Variants in STIM1 observed in about 807,000 individuals in gnomAD.
The protein encoded by STIM1 is stromal interaction molecule 1.
STIM1 carries 25 observed loss-of-function variants against 74.7 expected under a neutral mutation model. That is an observed-to-expected ratio of 0.33 (90% CI 0.24 to 0.47). STIM1 has a LOEUF of 0.47. STIM1 is among the 20% of genes least tolerant of loss of function. The pLI, the probability that STIM1 is intolerant of heterozygous loss-of-function variation, is 1.00. For synonymous variants in STIM1, 328 were observed against 348.8 expected (o/e 0.94, Z 0.66); for missense variants, 728 against 920.8 (o/e 0.79, Z 2.71).
intron 1 of STIM1, among the ~76,000 whole-genome samples, chr11:3,876,674 G>A (rs2091316925): frequency 6.6e-6 from 1 of 152,168 alleles, no homozygotes; most frequent in Non-Finnish European, 1.5e-5. Context: ...CTCCCAAAGT[G>A]ATGGAATTAT....
chr11:3,872,344 C>T (rs747552826), intron 1 of STIM1, among the ~76,000 whole-genome samples: 16 of 152,082 alleles, frequency 1.1e-4, no homozygotes, highest in Non-Finnish European at 2.2e-4. Flanking sequence ...TGATCCACTG[C>T]ACCCGGCCTT....
intron 1 of STIM1, among the ~76,000 whole-genome samples, chr11:3,946,515 C>A (rs1170314070): frequency 6.6e-6 from 1 of 152,116 alleles, no homozygotes; most frequent in Admixed American, 6.6e-5. Context: ...CTTAGCATTT[C>A]TGGCCTTTTC....
chr11:4,006,431 C>A (rs1055064448), intron 2 of STIM1, among the ~76,000 whole-genome samples: 4 of 152,076 alleles, frequency 2.6e-5, no homozygotes, highest in Non-Finnish European at 5.9e-5. Context: ...TTAAAATTTT[C>A]TTTGGCGGAG....
At chr11:3,881,763 A>G (rs2091512242) in intron 1 of STIM1, among the ~76,000 whole-genome samples, 1 of 151,986 alleles carries the variant, frequency 6.6e-6, no homozygotes, top group Admixed American at 6.5e-5. Flanking sequence ...TGCTCACTGC[A>G]GCCTCCGACT....
chr11:4,016,540 C>T (rs1471370595), intron 2 of STIM1, among the ~76,000 whole-genome samples: 2 of 152,234 alleles, frequency 1.3e-5, no homozygotes, highest in South Asian at 2.1e-4. Context: ...TGTCCATTAT[C>T]GGAGCTCAAA....
intron 3 of STIM1, among the ~76,000 whole-genome samples, chr11:4,044,505 G>A (rs1422723611): frequency 6.6e-6 from 1 of 152,154 alleles, no homozygotes; most frequent in Non-Finnish European, 1.5e-5. Context: ...GGAACTCAGG[G>A]TTGCTATCTG....
intron 2 of STIM1, among the ~76,000 whole-genome samples, chr11:3,973,727 A>G (rs2093418205): frequency 6.6e-6 from 1 of 151,354 alleles, no homozygotes; most frequent in Admixed American, 6.6e-5. Flanking sequence ...TTGTTTATTT[A>G]TTTTGAGACA....
At chr11:3,894,321 G>A (rs1353103138) in intron 1 of STIM1, among the ~76,000 whole-genome samples, 6 of 152,084 alleles carry the variant, frequency 3.9e-5, no homozygotes, top group Admixed American at 3.9e-4. Flanking sequence ...GGCCCCGTAT[G>A]TTTTCACTTT....
chr11:4,080,764 C>T (rs916412122), intron 7 of STIM1, among the ~76,000 whole-genome samples: 1 of 152,232 alleles, frequency 6.6e-6, no homozygotes, highest in Non-Finnish European at 1.5e-5. Flanking sequence ...CTGTGCCTAG[C>T]TCCCAACAGT....
At chr11:4,039,270 T>C (rs1224531228) in intron 3 of STIM1, among the ~76,000 whole-genome samples, 2 of 151,676 alleles carry the variant, frequency 1.3e-5, no homozygotes, top group African/African-American at 4.9e-5. Flanking sequence ...TCAGCCTGGG[T>C]GACAGAATGA....
chr11:4,056,142 G>T (rs770831363), intron 4 of STIM1, among the ~76,000 whole-genome samples: 1 of 152,094 alleles, frequency 6.6e-6, no homozygotes, highest in African/African-American at 2.4e-5. Flanking sequence ...GAGCCTCAGG[G>T]CTCTTTTAGC....
intron 3 of STIM1, among the ~76,000 whole-genome samples, chr11:4,052,985 C>A (rs1003624163): frequency 6.6e-6 from 1 of 152,228 alleles, no homozygotes; most frequent in African/African-American, 2.4e-5. Flanking sequence ...GAAAAATGCT[C>A]ATCGTCACTG....
At chr11:3,983,974 C>T (rs1466718103) in intron 2 of STIM1, among the ~76,000 whole-genome samples, 1 of 152,062 alleles carries the variant, frequency 6.6e-6, no homozygotes, top group East Asian at 1.9e-4. Flanking sequence ...TCAAGCGATT[C>T]TCCTGCCTCA....
intron 2 of STIM1, among the ~76,000 whole-genome samples, chr11:3,989,874 A>G (rs1261228461): frequency 6.6e-6 from 1 of 152,214 alleles, no homozygotes; most frequent in African/African-American, 2.4e-5. Context: ...TAACCTATCA[A>G]TTTTAAAAAA....
At position 3,881,151 on chromosome 11, in the gene STIM1, A is replaced by G. The variant is rs955855442; in HGVS notation, c.139+24742A>G. ...AAAATTAATCATTTTAAAGTGTACA[A>G]TTCAGTGGGATTTAGTACTATCATA... On this transcript the variant is annotated intron_variant, in intron 1 of 12. Transcript: ENST00000526596. Among the ~76,000 whole-genome samples the G allele has an allele frequency of 7.2e-5, 11 of 151,994 alleles. No homozygotes were observed. In the East Asian group the frequency reaches 1.2e-3, roughly 16 times the overall value.
chr11:4,066,800 C>A (rs2094369059), intron 5 of STIM1, among the ~76,000 whole-genome samples: 1 of 152,158 alleles, frequency 6.6e-6, no homozygotes, highest in South Asian at 2.1e-4. Flanking sequence ...GAATGGAAGG[C>A]TTTGTGGGCA....
At chr11:3,969,546 C>G (rs2093371895) in intron 2 of STIM1, among the ~76,000 whole-genome samples, 1 of 152,098 alleles carries the variant, frequency 6.6e-6, no homozygotes, top group South Asian at 2.1e-4. Flanking sequence ...GGGGATTTGT[C>G]TGTAAGGATG....
chr11:3,895,674 CCTTCCTTCCTTCTTTCTTTCT>C (rs2092076708), intron 1 of STIM1, among the ~76,000 whole-genome samples: 2 of 46,406 alleles, frequency 4.3e-5, no homozygotes, highest in African/African-American at 1.3e-4. Flanking sequence ...TTCTTTCTTT[CCTTCCTTCCTTCTTTCTTTCT>C]TTCTTTCTTT....
rs570667124 is a variant in STIM1, at chr11:3,932,610, C to T, written c.140-34942C>T. On this transcript the variant is annotated intron_variant, in intron 1 of 12. Coordinates refer to ENST00000526596, the MANE Select transcript of STIM1 (RefSeq NM_001382567.1). ...CCAGGAGGTGGAGCTTGCAGTAAGC[C>T]GAGATCGCTCCACTGCACTCCAGCC... Among the ~76,000 whole-genome samples the T allele has an allele frequency of 4.2e-3, 620 of 148,672 alleles. 2 individuals are homozygous for T. The highest frequency in any genetic ancestry group is 0.015 in the African/African-American group (590 of 40,170).
Sources: allele counts gnomAD v4.1 joint callset (sites outside exome capture counted in the v4.1 genomes callset), GRCh38; gene constraint gnomAD v4.1.1; transcripts MANE v1.5; gene names NCBI Gene and HGNC (gene_info 2026-07-23, HGNC 2026-07-21).